SLX4IP: variants seen among roughly 807,000 people sequenced by gnomAD.
The protein encoded by SLX4IP is SLX4 interacting protein, also known as protein SLX4IP.
A neutral mutation model predicts 32.9 loss-of-function variants in SLX4IP; 34 were observed. That is an observed-to-expected ratio of 1.03 (90% CI 0.79 to 1.38). The LOEUF is 1.38. Among genes scored for constraint, SLX4IP ranks in the 40% most tolerant of loss-of-function variants. The pLI is 0.00. For synonymous variants in SLX4IP, 172 were observed against 171.7 expected (o/e 1.00, Z -0.01); for missense variants, 444 against 479.0 (o/e 0.93, Z 0.68).
At chr20:10,475,474 G>A (rs944580484) in intron 2 of SLX4IP, among the ~76,000 whole-genome samples, 1 of 152,184 alleles carries the variant, frequency 6.6e-6, no homozygotes, top group African/African-American at 2.4e-5. Flanking sequence ...CAGCATACTG[G>A]CATCAGTGTG....
At chr20:10,614,128 C>G in intron 6 of SLX4IP, 1 of 1,434,794 alleles carries the variant, frequency 7.0e-7, no homozygotes, top group Non-Finnish European at 9.6e-7. Flanking sequence ...CCTCGTCGGA[C>G]CTCGCCATCG....
intron 2 of SLX4IP, among the ~76,000 whole-genome samples, chr20:10,492,356 A>G (rs186958313): frequency 1.8e-4 from 28 of 152,318 alleles, no homozygotes; most frequent in African/African-American, 5.8e-4. Flanking sequence ...CACCAGCCAT[A>G]TGAGAATTTC....
At chr20:10,497,687 G>A (rs901489560) in intron 2 of SLX4IP, among the ~76,000 whole-genome samples, 1 of 151,752 alleles carries the variant, frequency 6.6e-6, no homozygotes, top group Non-Finnish European at 1.5e-5. Flanking sequence ...AAATGTACTT[G>A]TTTAGAATTC....
intron 4 of SLX4IP, among the ~76,000 whole-genome samples, chr20:10,563,694 T>G (rs2066357040): frequency 6.6e-6 from 1 of 152,234 alleles, no homozygotes. Context: ...CTTGGCACCT[T>G]TGTTAAAAAT....
chr20:10,617,648 C>CTT (rs1488565908), intron 6 of SLX4IP, among the ~76,000 whole-genome samples: 1 of 116,612 alleles, frequency 8.6e-6, no homozygotes, highest in African/African-American at 3.3e-5. Flanking sequence ...TTTTTTCTTT[C>CTT]TTTCTTTTTT....
At chr20:10,526,595 A>G (rs1388890878) in intron 2 of SLX4IP, among the ~76,000 whole-genome samples, 1 of 152,168 alleles carries the variant, frequency 6.6e-6, no homozygotes, top group Non-Finnish European at 1.5e-5. Flanking sequence ...ACAAATTGCC[A>G]CAAACCAAGT....
chr20:10,466,362 C>T (rs141905931), intron 2 of SLX4IP, among the ~76,000 whole-genome samples: 1 of 152,194 alleles, frequency 6.6e-6, no homozygotes, highest in Admixed American at 6.5e-5. Context: ...TCCTCTGCTT[C>T]CTGCATCTGT....
At chr20:10,599,149 T>C (rs1025465932) in intron 5 of SLX4IP, among the ~76,000 whole-genome samples, 1 of 152,162 alleles carries the variant, frequency 6.6e-6, no homozygotes, top group Admixed American at 6.5e-5. Context: ...ATGAGGCCAC[T>C]TTCCCCCATC....
intron 2 of SLX4IP, among the ~76,000 whole-genome samples, chr20:10,494,161 C>CT (rs1422137193): frequency 2.0e-5 from 3 of 151,512 alleles, no homozygotes; most frequent in African/African-American, 7.2e-5. Context: ...AATGAGCTTT[C>CT]TTTTTTTGTT....
At chr20:10,585,160 T>C (rs954063971) in intron 4 of SLX4IP, among the ~76,000 whole-genome samples, 1 of 152,042 alleles carries the variant, frequency 6.6e-6, no homozygotes, top group Non-Finnish European at 1.5e-5. Flanking sequence ...AGAACAGATG[T>C]TTGTGTTTTG....
chr20:10,483,603 T>A lies in SLX4IP; in HGVS notation c.27+25372T>A, dbSNP rs570933562. ...TTAATTACATATTACAATTTAATTT[T>A]AAATTTTTAAATGTTTAATTACATA... On this transcript the variant is annotated intron_variant, in intron 2 of 7. Coordinates refer to ENST00000334534, the MANE Select transcript of SLX4IP (RefSeq NM_001009608.3). 5.9e-5 allele frequency among the ~76,000 whole-genome samples: 9 copies of A among 152,062 alleles called. No individual in the cohort carries two copies. In the South Asian group the frequency reaches 1.9e-3, roughly 32 times the overall value.
At chr20:10,614,018 G>A (rs924612765) in intron 6 of SLX4IP, 32 of 1,346,938 alleles carry the variant, frequency 2.4e-5, no homozygotes, top group African/African-American at 1.7e-4. Flanking sequence ...CACCGAGAAT[G>A]GAATAGACTT....
intron 1 of SLX4IP, among the ~76,000 whole-genome samples, chr20:10,457,620 T>C (rs534956463): frequency 3.3e-5 from 5 of 152,282 alleles, no homozygotes; most frequent in East Asian, 1.9e-4. Context: ...TAGTATTTTG[T>C]TGAGAATTTT....
At chr20:10,475,028 G>A (rs568370746) in intron 2 of SLX4IP, among the ~76,000 whole-genome samples, 20 of 152,270 alleles carry the variant, frequency 1.3e-4, no homozygotes, top group South Asian at 2.1e-4. Context: ...ACGTGGAGCC[G>A]CTCAAGTAAA....
At chr20:10,502,918 C>G (rs1318154065) in intron 2 of SLX4IP, among the ~76,000 whole-genome samples, 1 of 152,128 alleles carries the variant, frequency 6.6e-6, no homozygotes, top group African/African-American at 2.4e-5. Context: ...AGAGAATTTG[C>G]CAGTAGTATG....
intron 2 of SLX4IP, among the ~76,000 whole-genome samples, chr20:10,498,956 A>C (rs1437723797): frequency 1.3e-5 from 2 of 152,128 alleles, no homozygotes; most frequent in African/African-American, 4.8e-5. Flanking sequence ...TTGGACAATA[A>C]ATTATCACTG....
Position 10,479,360 on chromosome 20 carries a change from T to C in SLX4IP, c.27+21129T>C, listed in dbSNP as rs1385602317. ...GCTCAAATTCCATATTTCTTTTTTT[T>C]TTTTTTTTTTGAGATGGAGTCTCAC... On this transcript the variant is annotated intron_variant, in intron 2 of 7. Coordinates refer to ENST00000334534, the MANE Select transcript of SLX4IP (RefSeq NM_001009608.3). Among the ~76,000 whole-genome samples, 29 of 149,620 alleles carry C rather than the reference T, an allele frequency of 1.9e-4. 3 individuals are homozygous for C. Among genetic ancestry groups the C allele is most frequent in the African/African-American group, 4.4e-4 (18 of 40,796 alleles).
At chr20:10,618,111 T>C (rs1188566421) in intron 6 of SLX4IP, among the ~76,000 whole-genome samples, 1 of 152,252 alleles carries the variant, frequency 6.6e-6, no homozygotes, top group Non-Finnish European at 1.5e-5. Context: ...ATATCACCCA[T>C]TGTCATACTC....
intron 2 of SLX4IP, among the ~76,000 whole-genome samples, chr20:10,540,100 C>CTTCCTTCG (rs2066087605): frequency 5.7e-5 from 1 of 17,664 alleles, no homozygotes; most frequent in East Asian, 9.3e-4. Flanking sequence ...CCTTCCTTTC[C>CTTCCTTCG]TTCCTTCCTT....
Sources: gnomAD v4.1 joint callset for allele counts (sites outside exome capture counted in the v4.1 genomes callset) on GRCh38, gnomAD v4.1.1 for gene constraint, MANE v1.5 for transcripts, NCBI Gene and HGNC (gene_info 2026-07-23, HGNC 2026-07-21) for gene names.